The following TRMT11 variants were observed in gnomAD, a reference collection of about 807,000 sequenced individuals.
TRMT11 encodes the protein tRNA methyltransferase 11, also known as tRNA (guanine(10)-N(2))-methyltransferase TRMT11.
Under a neutral mutation model 62.8 loss-of-function variants are expected in TRMT11, and 53 were observed. The ratio of observed to expected loss-of-function variants is 0.84; its 90% CI spans 0.68 to 1.06. The LOEUF is 1.06. TRMT11 is among the 50% of genes least tolerant of loss of function. TRMT11 has a pLI of 0.00. For missense variants in TRMT11, 556 were observed against 553.4 expected (o/e 1.00, Z -0.05); for synonymous variants, 188 against 190.3 (o/e 0.99, Z 0.10).
At chr6:126,232,057 C>G in the TRMT11 span, among the ~76,000 whole-genome samples, 1 of 152,052 alleles carries the variant, frequency 6.6e-6, no homozygotes, top group Non-Finnish European at 1.5e-5. Context: ...GGTAAATCTT[C>G]TGGTGGGACC....
chr6:126,214,868 T>C, the TRMT11 span, among the ~76,000 whole-genome samples: 13 of 152,022 alleles, frequency 8.6e-5, no homozygotes. Context: ...TATGTGCTTA[T>C]AGGTATGAGC....
chr6:126,136,203 A>T (rs1023815646), intron 21 of TRMT11, among the ~76,000 whole-genome samples: 1 of 150,310 alleles, frequency 6.7e-6, no homozygotes, highest in African/African-American at 2.4e-5. Flanking sequence ...AATTATTATT[A>T]TTTTTTTTTG....
At chr6:126,093,881 A>G (rs1477998124) in intron 17 of TRMT11, among the ~76,000 whole-genome samples, 1 of 151,962 alleles carries the variant, frequency 6.6e-6, no homozygotes, top group Non-Finnish European at 1.5e-5. Flanking sequence ...AAATACTAGC[A>G]ATGAATAATT....
chr6:126,145,740 C>T lies in TRMT11; in HGVS notation c.*1824-29085C>T, dbSNP rs190375194. Among the ~76,000 whole-genome samples, 223 of 152,164 alleles carry T rather than the reference C, an allele frequency of 1.5e-3. 1 individual carries two copies. Among genetic ancestry groups the T allele is most frequent in the African/African-American group, 5.0e-3 (206 of 41,536 alleles). ...TGTCTGTTTACTTCTCTCTGGATTT[C>T]CATTTTATGTTTTGTATAATTGGGT... is the stretch of plus-strand genomic sequence containing the variant. On this transcript the variant is annotated intron_variant and NMD_transcript_variant, in intron 21 of 22. Coordinates refer to the TRMT11 transcript ENST00000648977.
chr6:126,056,610 G>T (rs879566237), intron 17 of TRMT11, among the ~76,000 whole-genome samples: 4 of 152,098 alleles, frequency 2.6e-5, no homozygotes, highest in Admixed American at 2.6e-4. Flanking sequence ...TTGTAGAGTG[G>T]TTTCCCATCA....
At chr6:125,991,471 G>A (rs1049683859) in intron 1 of TRMT11, among the ~76,000 whole-genome samples, 1 of 151,866 alleles carries the variant, frequency 6.6e-6, no homozygotes, top group African/African-American at 2.4e-5. Flanking sequence ...GAGTGTTGGT[G>A]TGAGGGGGCG....
At position 125,998,536 on chromosome 6, in the gene TRMT11, T is replaced by C; in HGVS notation, c.388-14T>C. ...ATTATTATAAGACATCAGCATTTCT[T>C]TTGTTTCTTTTAGGCACTTGAATTT... On this transcript the variant is annotated splice_polypyrimidine_tract_variant and intron_variant, in intron 5 of 12. Coordinates refer to ENST00000334379, the MANE Select transcript of TRMT11 (RefSeq NM_001031712.3). 1 of 1,605,688 alleles carries C rather than the reference T, an allele frequency of 6.2e-7. No homozygotes were observed. The highest frequency in any genetic ancestry group is 8.5e-7 in the Non-Finnish European group (1 of 1,177,494).
chr6:126,183,616 G>A (rs948251404), intron 1 of TRMT11, among the ~76,000 whole-genome samples: 1 of 152,130 alleles, frequency 6.6e-6, no homozygotes. Flanking sequence ...ATTGCTGTGC[G>A]TGTAAGCAAT....
downstream of TRMT11, among the ~76,000 whole-genome samples, chr6:126,040,568 C>A (rs114301749): frequency 8.5e-3 from 1,293 of 152,138 alleles, 14 homozygotes; most frequent in African/African-American, 0.028. Context: ...CAGATCCTTT[C>A]CAGGATTGCT....
At chr6:126,228,555 T>C in the TRMT11 span, among the ~76,000 whole-genome samples, 5 of 152,176 alleles carry the variant, frequency 3.3e-5, no homozygotes, top group Admixed American at 2.0e-4. Flanking sequence ...CAGGTGCTCA[T>C]GTGGGAGAGA....
the TRMT11 span, among the ~76,000 whole-genome samples, chr6:126,236,225 T>C: frequency 7.0e-4 from 106 of 152,358 alleles, 2 homozygotes; most frequent in South Asian, 0.021. Flanking sequence ...CAGGTCCTTC[T>C]ACCTTTCACT....
intron 21 of TRMT11, among the ~76,000 whole-genome samples, chr6:126,122,198 C>T (rs558956422): frequency 6.6e-6 from 1 of 152,166 alleles, no homozygotes; most frequent in East Asian, 1.9e-4. Flanking sequence ...AACTGGGAGC[C>T]CATTAAACCT....
intron 17 of TRMT11, among the ~76,000 whole-genome samples, chr6:126,071,414 C>T (rs1167567887): frequency 6.7e-6 from 1 of 150,182 alleles, no homozygotes; most frequent in African/African-American, 2.5e-5. Flanking sequence ...TAGTAGATCT[C>T]CTGTAAGTCC....
intron 1 of TRMT11, among the ~76,000 whole-genome samples, chr6:126,179,003 T>A (rs2128239972): frequency 6.6e-6 from 1 of 152,276 alleles, no homozygotes; most frequent in African/African-American, 2.4e-5. Context: ...TATCTGAAAT[T>A]GGGAAGTGAT....
At chr6:126,120,954 A>T (rs2128196301) in intron 21 of TRMT11, among the ~76,000 whole-genome samples, 1 of 152,150 alleles carries the variant, frequency 6.6e-6, no homozygotes, top group East Asian at 1.9e-4. Flanking sequence ...CTGCCTTGGT[A>T]CCATTTTGGT....
At chr6:126,153,912 C>A (rs753609397) in intron 21 of TRMT11, among the ~76,000 whole-genome samples, 1 of 152,046 alleles carries the variant, frequency 6.6e-6, no homozygotes, top group African/African-American at 2.4e-5. Context: ...AGCCAGAATT[C>A]CTTTTTCATT....
At chr6:126,003,523 C>T (rs978358283) in intron 7 of TRMT11, among the ~76,000 whole-genome samples, 1 of 151,986 alleles carries the variant, frequency 6.6e-6, no homozygotes, top group Non-Finnish European at 1.5e-5. Flanking sequence ...CCTGTTTTTC[C>T]ACAGTCTCAC....
intron 17 of TRMT11, among the ~76,000 whole-genome samples, chr6:126,105,161 A>C (rs140132464): frequency 3.8e-4 from 58 of 152,252 alleles, no homozygotes; most frequent in African/African-American, 1.3e-3. Context: ...GAACATTATA[A>C]ATTTTATACA....
At chr6:126,047,037 G>A (rs1424689710) in intron 16 of TRMT11, among the ~76,000 whole-genome samples, 1 of 151,958 alleles carries the variant, frequency 6.6e-6, no homozygotes, top group Admixed American at 6.6e-5. Context: ...TCATCCAGAG[G>A]TGCCCTTGGA....
Sources: gnomAD v4.1 joint callset for allele counts (sites outside exome capture counted in the v4.1 genomes callset) on GRCh38, gnomAD v4.1.1 for gene constraint, MANE v1.5 for transcripts, NCBI Gene and HGNC (gene_info 2026-07-23, HGNC 2026-07-21) for gene names.